Variants in FLI1 observed in about 807,000 individuals in gnomAD.
FLI1 encodes the protein Fli-1 proto-oncogene, ETS transcription factor.
FLI1 carries 13 observed loss-of-function variants against 53.1 expected under a neutral mutation model. That is an observed-to-expected ratio of 0.24 (90% CI 0.16 to 0.39). FLI1 has a LOEUF of 0.39. Among genes scored for constraint, FLI1 ranks in the 10% least tolerant of loss-of-function variants. The pLI, the probability that FLI1 is intolerant of heterozygous loss-of-function variation, is 1.00. For missense variants in FLI1, 424 were observed against 600.5 expected, an observed-to-expected ratio of 0.71 and a Z score of 3.07; for synonymous variants, 244 against 236.7, an observed-to-expected ratio of 1.03 and a Z score of -0.28.
At chr11:128,686,304 T>A, upstream of FLI1, 1 of 455,808 alleles carries the variant, frequency 2.2e-6, no homozygotes, top group Non-Finnish European at 4.4e-6. Context: ...GCTGCGGGCA[T>A]CCCCAGTTCG....
At chr11:128,741,360 T>G (rs1020212284) in intron 1 of FLI1, among the ~76,000 whole-genome samples, 2 of 152,138 alleles carry the variant, frequency 1.3e-5, no homozygotes, top group African/African-American at 4.8e-5. Flanking sequence ...GCCAGTGCAC[T>G]CCAGCCTGGG....
intron 1 of FLI1, 70 bp from the exon 2 acceptor site, chr11:128,758,045 C>A: frequency 7.0e-7 from 1 of 1,423,440 alleles, no homozygotes; most frequent in Non-Finnish European, 9.6e-7. Flanking sequence ...CTTGCCAGCT[C>A]AAAGCAAGAG....
intron 5 of FLI1, among the ~76,000 whole-genome samples, chr11:128,799,858 G>T (rs1436014685): frequency 6.6e-6 from 1 of 152,188 alleles, no homozygotes; most frequent in African/African-American, 2.4e-5. Context: ...GGGAGAGGCT[G>T]CTCCTCCCCA....
At position 128,732,192 on chromosome 11, in the gene FLI1, G is replaced by C. The variant is rs533199637; in HGVS notation, c.19-25923G>C. ...GAAGAGGCCAGAAAAAAATTCACTGGTTCCCTTCTTTCTCCATCCATTCAG... is the reference window on the plus strand; with the variant it reads ...GAAGAGGCCAGAAAAAAATTCACTGCTTCCCTTCTTTCTCCATCCATTCAG... On this transcript the variant is annotated intron_variant, in intron 1 of 8. Coordinates refer to ENST00000527786, the MANE Select transcript of FLI1 (RefSeq NM_002017.5). 4.6e-5 allele frequency among the ~76,000 whole-genome samples: 7 copies of C among 152,202 alleles called. No homozygotes were observed. The South Asian group carries it at 1.5e-3, about 32-fold the overall frequency.
At chr11:128,709,383 C>T (rs1282491963) in intron 1 of FLI1, among the ~76,000 whole-genome samples, 1 of 152,072 alleles carries the variant, frequency 6.6e-6, no homozygotes, top group African/African-American at 2.4e-5. Context: ...TTTTTTCTGG[C>T]CTTAGTGATT....
At chr11:128,695,500 G>A (rs1938029663) in intron 1 of FLI1, among the ~76,000 whole-genome samples, 1 of 152,254 alleles carries the variant, frequency 6.6e-6, no homozygotes, top group Non-Finnish European at 1.5e-5. Flanking sequence ...AGCAAGAGAA[G>A]GCTAAGATGT....
chr11:128,690,812 T>C (rs1483457260), upstream of FLI1, among the ~76,000 whole-genome samples: 2 of 152,220 alleles, frequency 1.3e-5, no homozygotes, highest in African/African-American at 4.8e-5. Context: ...AGAGCTTCCT[T>C]GGCTGTGAGC....
upstream of FLI1, chr11:128,692,810 T>C (rs1937808311): frequency 6.6e-6 from 1 of 152,128 alleles, no homozygotes; most frequent in Non-Finnish European, 1.5e-5. Context: ...GGTAACCTGT[T>C]TTGGATGTCC....
intron 5 of FLI1, among the ~76,000 whole-genome samples, chr11:128,802,728 C>G (rs547327437): frequency 6.6e-6 from 1 of 152,384 alleles, no homozygotes; most frequent in African/African-American, 2.4e-5. Flanking sequence ...TGGGGCACCA[C>G]AGAAAGATGG....
At chr11:128,777,156 C>T (rs1274287750) in intron 4 of FLI1, among the ~76,000 whole-genome samples, 1 of 152,104 alleles carries the variant, frequency 6.6e-6, no homozygotes, top group African/African-American at 2.4e-5. Context: ...CAGGCCAAGG[C>T]GGGGAAGGAC....
intron 1 of FLI1, among the ~76,000 whole-genome samples, chr11:128,712,798 T>G (rs1490034362): frequency 6.6e-6 from 1 of 152,126 alleles, no homozygotes. Context: ...CCAAAACATA[T>G]CATACACTTT....
intron 1 of FLI1, among the ~76,000 whole-genome samples, chr11:128,694,519 C>T (rs1187729490): frequency 8.5e-6 from 1 of 117,674 alleles, no homozygotes; most frequent in Non-Finnish European, 1.8e-5. Context: ...GAGCCCCGGC[C>T]CCCCTCCCAC....
At chr11:128,707,735 T>C (rs188496809) in intron 1 of FLI1, among the ~76,000 whole-genome samples, 3 of 152,284 alleles carry the variant, frequency 2.0e-5, no homozygotes, top group Non-Finnish European at 2.9e-5. Context: ...ATCAGAATTA[T>C]TTATTTCTTC....
intron 2 of FLI1, among the ~76,000 whole-genome samples, chr11:128,759,223 C>T (rs901094433): frequency 5.3e-5 from 8 of 152,120 alleles, no homozygotes; most frequent in African/African-American, 1.7e-4. Flanking sequence ...GCCAAAGGCA[C>T]AAAGAGATGA....
chr11:128,802,121 G>C (rs115790182), intron 5 of FLI1, among the ~76,000 whole-genome samples: 2 of 152,146 alleles, frequency 1.3e-5, no homozygotes, highest in African/African-American at 4.8e-5. Flanking sequence ...TATGCTGGGT[G>C]TTTACTTGGG....
upstream of FLI1, among the ~76,000 whole-genome samples, chr11:128,690,843 G>A (rs2155131): frequency 0.042 from 6,436 of 152,198 alleles, 223 homozygotes; most frequent in East Asian, 0.1. Context: ...TTGAAAACCA[G>A]CCCCGAGCTG....
intron 1 of FLI1, among the ~76,000 whole-genome samples, chr11:128,687,180 C>T (rs902883097): frequency 6.6e-6 from 1 of 152,212 alleles, no homozygotes; most frequent in African/African-American, 2.4e-5. Flanking sequence ...GTGAGACACG[C>T]GCTCAGTCCT....
chr11:128,726,357 G>A (rs1277161254), intron 1 of FLI1, among the ~76,000 whole-genome samples: 2 of 152,172 alleles, frequency 1.3e-5, no homozygotes, highest in African/African-American at 4.8e-5. Context: ...CAGGGGTGCA[G>A]GGGGCTGGGG....
chr11:128,735,471 T>C (rs974341867), intron 1 of FLI1, among the ~76,000 whole-genome samples: 5 of 152,234 alleles, frequency 3.3e-5, no homozygotes, highest in Admixed American at 2.6e-4. Context: ...TCTAAGAAAA[T>C]AGCATACTTC....
Sources: allele counts gnomAD v4.1 joint callset (sites outside exome capture counted in the v4.1 genomes callset), GRCh38; gene constraint gnomAD v4.1.1; transcripts MANE v1.5; gene names NCBI Gene and HGNC (gene_info 2026-07-23, HGNC 2026-07-21).